The following IDI1 variants were observed in gnomAD, a reference collection of about 807,000 sequenced individuals.
IDI1 encodes the protein isopentenyl-diphosphate delta isomerase 1.
Under a neutral mutation model 32.9 loss-of-function variants are expected in IDI1, and 23 were observed. The ratio of observed to expected loss-of-function variants is 0.70; its 90% CI spans 0.50 to 0.99. The LOEUF (loss-of-function observed/expected upper bound fraction) is 0.99. Ranked by LOEUF, IDI1 falls within the 50% of genes least tolerant of loss-of-function variation. The pLI is 0.00. For missense variants in IDI1, 326 were observed against 351.9 expected (o/e 0.93, Z 0.59); for synonymous variants, 133 against 128.2 (o/e 1.04, Z -0.25).
chr10:1,042,685 T>A lies in IDI1; in HGVS notation c.484A>T (p.Arg162Trp). Residue 162 changes from arginine (R) to tryptophan (W), a missense_variant, in exon 4 of 5, where the codon AGG (arginine) becomes TGG (tryptophan). By Grantham distance (101) the Arg-to-Trp change is moderately radical. Transcript: ENST00000381344. ...TTCAGCCGTCTCTGTGCTGCTCGCC[T>A]CACTCCAAGGGCGTCACTTTCCTCA... Reference protein sequence around the residue: ...ELEESDALGVRRAAQRRLKAE... With the variant: ...ELEESDALGVWRAAQRRLKAE... 3 of 1,614,094 alleles carry A rather than the reference T, an allele frequency of 1.9e-6. No homozygotes were observed. The highest frequency in any genetic ancestry group is 1.7e-6 in the Non-Finnish European group (2 of 1,179,942).
upstream of IDI1, chr10:1,049,131 C>G: frequency 5.1e-6 from 7 of 1,380,358 alleles, no homozygotes; most frequent in Non-Finnish European, 6.5e-6. Flanking sequence ...GCCGTGACCG[C>G]GGGCTCTGGC....
rs886321728 is a variant in IDI1 at position 1,049,053 on chromosome 10, G to A, written c.-50C>T. On this transcript the variant is annotated 5_prime_UTR_variant, in exon 1 of 5. Coordinates refer to ENST00000381344, the MANE Select transcript of IDI1 (RefSeq NM_004508.4). ...GCGCTTGACGACACAATCTCGCCAAGCTTCGCCTGGTGGTGCCACCTCCCT... is the reference window on the plus strand; with the variant it reads ...GCGCTTGACGACACAATCTCGCCAAACTTCGCCTGGTGGTGCCACCTCCCT... The A allele has an allele frequency of 1.4e-6, 2 of 1,447,254 alleles. No homozygotes were observed. Among genetic ancestry groups the A allele is most frequent in the Non-Finnish European group, 9.0e-7 (1 of 1,108,662 alleles). The allele number at this position is 1,447,254 out of a possible 1,614,324, so 89.7% of individuals were successfully genotyped here.
At chr10:1,049,850 CGCAT>C (rs1832948773), upstream of IDI1, among the ~76,000 whole-genome samples, 1 of 152,116 alleles carries the variant, frequency 6.6e-6, no homozygotes, top group Non-Finnish European at 1.5e-5. Flanking sequence ...GACGGGTTTC[CGCAT>C]GTTGGTCAGG....
intron 4 of IDI1, 65 bp from the exon 5 acceptor site, chr10:1,041,569 T>C: frequency 1.2e-6 from 1 of 851,088 alleles, no homozygotes; most frequent in African/African-American, 1.7e-5. Context: ...AATCTAAAAT[T>C]AGCTCACTGT....
chr10:1,044,643 A>AT (rs1264223505), intron 1 of IDI1, among the ~76,000 whole-genome samples: 1 of 152,004 alleles, frequency 6.6e-6, no homozygotes, highest in African/African-American at 2.4e-5. Flanking sequence ...GTTGAAATCC[A>AT]TTTTTTCAAG....
upstream of IDI1, among the ~76,000 whole-genome samples, chr10:1,051,015 A>G (rs988100979): frequency 1.3e-5 from 2 of 152,200 alleles, no homozygotes; most frequent in Non-Finnish European, 2.9e-5. Context: ...TCCAATTACT[A>G]TTTGGAATTT....
upstream of IDI1, among the ~76,000 whole-genome samples, chr10:1,051,608 T>G (rs1255950084): frequency 6.6e-6 from 1 of 152,236 alleles, no homozygotes; most frequent in Non-Finnish European, 1.5e-5. Context: ...TTTATGTGCA[T>G]TTCCCATTTT....
chr10:1,049,613 A>T (rs1280038190), upstream of IDI1: 1 of 152,914 alleles, frequency 6.5e-6, no homozygotes, highest in Non-Finnish European at 1.5e-5. Context: ...GGGGTGTTCC[A>T]CGCTATGTTG....
At position 1,040,854 on chromosome 10, in the gene IDI1, A is replaced by T. The variant is rs528010740; in HGVS notation, c.*333T>A. ...CCGGAAATGTTTATCACAGCCTACT[A>T]AAAACAGAGTTTCACTCATTTGTTC... is the stretch of plus-strand genomic sequence containing the variant. On this transcript the variant is annotated 3_prime_UTR_variant, in exon 5 of 5. Coordinates refer to ENST00000381344, the MANE Select transcript of IDI1 (RefSeq NM_004508.4). The T allele has an allele frequency of 0.029, 2,180 of 76,212 alleles. 55 individuals are homozygous for T. The highest frequency in any genetic ancestry group is 0.17 in the African/African-American group (2,045 of 11,690). The allele number at this position is 76,212 out of a possible 1,614,324, so 4.7% of individuals were successfully genotyped here.
the IDI1 span, among the ~76,000 whole-genome samples, chr10:1,056,010 T>G: frequency 6.6e-6 from 1 of 152,212 alleles, no homozygotes; most frequent in Admixed American, 6.5e-5. Context: ...GGTTTCACCA[T>G]GTTGGCCAGG....
At position 1,042,657 on chromosome 10, in the gene IDI1, G is replaced by C; in HGVS notation, c.512C>G (p.Ala171Gly). 6.2e-7 allele frequency: 1 copy of C among 1,614,018 alleles called. No individual in the cohort carries two copies. Among genetic ancestry groups the C allele is most frequent in the Non-Finnish European group, 8.5e-7 (1 of 1,179,956 alleles). Residue 171 changes from alanine to glycine, a missense_variant, in exon 4 of 5, where the codon GCT becomes GGT. Ala to Gly is a moderately conservative substitution (Grantham distance 60). Transcript: ENST00000381344. The part of the protein sequence containing the change: ...VRRAAQRRLK[A>G]ELGIPLEEVP... ...CTCTTCCAAGGGAATTCCTAGCTCA[G>C]CTTTCAGCCGTCTCTGTGCTGCTCG... is the stretch of plus-strand genomic sequence containing the variant.
At chr10:1,045,648 G>A (rs891003721) in intron 1 of IDI1, among the ~76,000 whole-genome samples, 1 of 152,206 alleles carries the variant, frequency 6.6e-6, no homozygotes, top group African/African-American at 2.4e-5. Flanking sequence ...TGTATTTTTA[G>A]TAGAGACGAA....
chr10:1,049,182 G>A (rs564372400), upstream of IDI1: 1,007 of 1,074,714 alleles, frequency 9.4e-4, 5 homozygotes, highest in African/African-American at 0.016. Flanking sequence ...CAGTTCCGCA[G>A]AGGCAGCGTC....
At chr10:1,044,338 A>T in intron 1 of IDI1, 167 bp from the exon 2 acceptor site, 1 of 542,950 alleles carries the variant, frequency 1.8e-6, no homozygotes, top group South Asian at 2.7e-5. Flanking sequence ...TATCTGGGTC[A>T]TCATTTCTCC....
In IDI1 at chr10:1,042,662, C is replaced by T. The variant is rs1456066244; in HGVS notation, c.507G>A (p.Leu169=). ...CCAAGGGAATTCCTAGCTCAGCTTT[C>T]AGCCGTCTCTGTGCTGCTCGCCTCA... ...LGVRRAAQRR[L]KAELGIPLEE... is the part of the protein sequence containing the mutation. Residue 169 remains leucine, a synonymous_variant, in exon 4 of 5, where the codon CTG becomes CTA. Transcript: ENST00000381344. The T allele has an allele frequency of 1.9e-6, 3 of 1,614,042 alleles. No individual in the cohort carries two copies. Among genetic ancestry groups the T allele is most frequent in the East Asian group, 4.5e-5 (2 of 44,860 alleles).
At chr10:1,042,471 A>G in intron 4 of IDI1, 161 bp downstream of exon 4, 1 of 698,578 alleles carries the variant, frequency 1.4e-6, no homozygotes. Context: ...TTAAGAAATT[A>G]AAATTTAAAT....
At chr10:1,050,326 T>A (rs1832969952), upstream of IDI1, among the ~76,000 whole-genome samples, 1 of 152,226 alleles carries the variant, frequency 6.6e-6, no homozygotes, top group African/African-American at 2.4e-5. Context: ...TTCACACAGA[T>A]AAGAAAATCT....
chr10:1,053,732 AT>A (rs762245072), upstream of IDI1, among the ~76,000 whole-genome samples: 598 of 143,256 alleles, frequency 4.2e-3, no homozygotes, highest in Admixed American at 4.2e-3. Flanking sequence ...TAATTGCCTG[AT>A]TTTTTTTTTT....
chr10:1,043,677 G>A (rs573460566), intron 2 of IDI1: 4 of 638,240 alleles, frequency 6.3e-6, no homozygotes, highest in Admixed American at 4.2e-5. Context: ...GAAGGCACAT[G>A]CTTCCCTGCA....
Sources: allele counts gnomAD v4.1 joint callset (sites outside exome capture counted in the v4.1 genomes callset), GRCh38; gene constraint gnomAD v4.1.1; transcripts MANE v1.5; gene names NCBI Gene and HGNC (gene_info 2026-07-23, HGNC 2026-07-21).